The following LSAMP variants were observed in gnomAD, a reference collection of about 807,000 sequenced individuals.
LSAMP encodes limbic system-associated membrane protein.
Under a neutral mutation model 38.6 loss-of-function variants are expected in LSAMP, and 7 were observed. The ratio of observed to expected loss-of-function variants is 0.18; its 90% CI spans 0.10 to 0.34. LSAMP has a LOEUF of 0.34. Among genes scored for constraint, LSAMP ranks in the 10% least tolerant of loss-of-function variants. The pLI, the probability that LSAMP is intolerant of heterozygous loss-of-function variation, is 1.00. For synonymous variants in LSAMP, 154 were observed against 166.8 expected, an observed-to-expected ratio of 0.92 and a Z score of 0.59; for missense variants, 313 against 420.0, an observed-to-expected ratio of 0.75 and a Z score of 2.23.
At chr3:116,425,919 T>C (rs141963605) in intron 1 of LSAMP, among the ~76,000 whole-genome samples, 15 of 151,910 alleles carry the variant, frequency 9.9e-5, no homozygotes, top group Non-Finnish European at 1.8e-4. Flanking sequence ...GGACTTGATA[T>C]ATCAGGAAAC....
At chr3:116,245,093 A>T (rs999847758) in intron 1 of LSAMP, among the ~76,000 whole-genome samples, 1 of 152,174 alleles carries the variant, frequency 6.6e-6, no homozygotes, top group Admixed American at 6.5e-5. Flanking sequence ...CTAAAGAGGT[A>T]ATTAAGTTAA....
At chr3:116,074,100 T>C (rs1335805608) in intron 2 of LSAMP, among the ~76,000 whole-genome samples, 5 of 152,202 alleles carry the variant, frequency 3.3e-5, no homozygotes, top group Non-Finnish European at 7.3e-5. Context: ...ATTACCTGAA[T>C]AGATTCTCCT....
chr3:116,156,883 A>G (rs1709762377), intron 1 of LSAMP, among the ~76,000 whole-genome samples: 1 of 152,150 alleles, frequency 6.6e-6, no homozygotes. Flanking sequence ...GTAGAGAATG[A>G]GGCATATTCT....
At chr3:116,237,010 C>T (rs1412731618) in intron 1 of LSAMP, among the ~76,000 whole-genome samples, 2 of 150,946 alleles carry the variant, frequency 1.3e-5, no homozygotes, top group Non-Finnish European at 3.0e-5. Flanking sequence ...TTATATTAGA[C>T]ATAATGTTTG....
intron 2 of LSAMP, among the ~76,000 whole-genome samples, chr3:116,070,654 T>C (rs533029200): frequency 1.2e-4 from 19 of 152,328 alleles, no homozygotes; most frequent in African/African-American, 4.6e-4. Context: ...ATTGACAAGG[T>C]CCTACCCACA....
At chr3:116,157,806 A>C (rs961174369) in intron 1 of LSAMP, among the ~76,000 whole-genome samples, 2 of 152,086 alleles carry the variant, frequency 1.3e-5, no homozygotes, top group Admixed American at 6.6e-5. Context: ...TTCCTACTGA[A>C]ACTATTCCAA....
At chr3:116,272,659 T>C (rs2046989725) in intron 1 of LSAMP, among the ~76,000 whole-genome samples, 1 of 152,158 alleles carries the variant, frequency 6.6e-6, no homozygotes, top group Non-Finnish European at 1.5e-5. Flanking sequence ...TTAAAGACAG[T>C]AGGAATAACT....
At chr3:116,425,762 T>G in intron 1 of LSAMP, among the ~76,000 whole-genome samples, 1 of 151,148 alleles carries the variant, frequency 6.6e-6, no homozygotes, top group East Asian at 1.9e-4. Context: ...ATTAATTAAT[T>G]AGAGGGGAAA....
At chr3:116,287,402 A>G (rs868470563) in intron 1 of LSAMP, among the ~76,000 whole-genome samples, 4 of 152,096 alleles carry the variant, frequency 2.6e-5, no homozygotes, top group Admixed American at 6.6e-5. Context: ...CCTCTGTCCA[A>G]GTGGGTTGAG....
chr3:116,317,378 C>G (rs546379079), intron 1 of LSAMP, among the ~76,000 whole-genome samples: 36 of 144,080 alleles, frequency 2.5e-4, no homozygotes, highest in Non-Finnish European at 4.7e-4. Context: ...TTTTTTGAGA[C>G]GGAGTCTCGC....
intron 3 of LSAMP, among the ~76,000 whole-genome samples, chr3:115,887,889 G>C (rs745771230): frequency 1.1e-4 from 16 of 151,870 alleles, no homozygotes; most frequent in South Asian, 2.1e-4. Context: ...AGTATTCATT[G>C]ATATGTCTGA....
At chr3:115,838,643 A>G (rs185802682) in intron 6 of LSAMP, among the ~76,000 whole-genome samples, 67 of 151,770 alleles carry the variant, frequency 4.4e-4, no homozygotes, top group African/African-American at 1.6e-3. Flanking sequence ...TCTTTGACAA[A>G]CACGGTGCTA....
Position 115,808,770 on chromosome 3 carries a change from T to G in LSAMP, c.*1547A>C, listed in dbSNP as rs1933711723. 6.6e-6 allele frequency: 1 copy of G among 152,232 alleles called. No homozygotes were observed. The highest frequency in any genetic ancestry group is 1.5e-5 in the Non-Finnish European group (1 of 68,086). The allele number at this position is 152,232 out of a possible 1,614,324, so 9.4% of individuals were successfully genotyped here. A position where few individuals can be genotyped will look rare whatever the true frequency, so the allele number is the denominator to read the frequency against. On this transcript the variant is annotated 3_prime_UTR_variant, in exon 7 of 7. Transcript: ENST00000490035. The stretch of plus-strand genomic sequence containing the variant: ...TTAACCTAGAACACTGGGAAAAACA[T>G]CTGCAGAGGAGCACAAGGAGTGAAC...
chr3:116,415,294 T>C (rs914719196), intron 1 of LSAMP, among the ~76,000 whole-genome samples: 2 of 151,966 alleles, frequency 1.3e-5, no homozygotes, highest in Non-Finnish European at 2.9e-5. Flanking sequence ...AATGACAGAA[T>C]AGTGATTCAT....
chr3:116,314,288 T>C (rs775257230), intron 1 of LSAMP, among the ~76,000 whole-genome samples: 1 of 152,214 alleles, frequency 6.6e-6, no homozygotes, highest in Non-Finnish European at 1.5e-5. Context: ...CGAAACTGAA[T>C]TCATAATAGT....
intron 3 of LSAMP, among the ~76,000 whole-genome samples, chr3:115,989,935 C>T (rs1939619572): frequency 6.6e-6 from 1 of 151,940 alleles, no homozygotes; most frequent in Non-Finnish European, 1.5e-5. Flanking sequence ...AACAAATGAT[C>T]AGAAAAGAAC....
intron 3 of LSAMP, among the ~76,000 whole-genome samples, chr3:115,919,265 C>T (rs1352413349): frequency 1.3e-5 from 2 of 152,004 alleles, no homozygotes; most frequent in East Asian, 3.9e-4. Flanking sequence ...CTTTTTTGGC[C>T]CTAAGGGCAA....
intron 1 of LSAMP, among the ~76,000 whole-genome samples, chr3:116,410,748 C>A (rs995118496): frequency 5.3e-5 from 8 of 152,084 alleles, no homozygotes; most frequent in South Asian, 4.1e-4. Context: ...CATTCCTTGC[C>A]CATCAAGCTC....
At chr3:116,391,542 C>T (rs913588999) in intron 1 of LSAMP, among the ~76,000 whole-genome samples, 1 of 151,996 alleles carries the variant, frequency 6.6e-6, no homozygotes, top group African/African-American at 2.4e-5. Flanking sequence ...GGTGGAGGGT[C>T]GCTCACTAGC....
Sources: allele counts gnomAD v4.1 joint callset (sites outside exome capture counted in the v4.1 genomes callset), GRCh38; gene constraint gnomAD v4.1.1; transcripts MANE v1.5; gene names NCBI Gene and HGNC (gene_info 2026-07-23, HGNC 2026-07-21).